Variants in MAF observed in about 807,000 individuals in gnomAD.
The protein encoded by MAF is MAF bZIP transcription factor.
In MAF, 10 loss-of-function variants were observed where a neutral mutation model predicts 22.0. That is an observed-to-expected ratio of 0.45 (90% CI 0.28 to 0.77). MAF has a LOEUF of 0.77. Ranked by LOEUF, MAF falls within the 30% of genes least tolerant of loss-of-function variation. MAF has a pLI of 0.12. For missense variants in MAF, 544 were observed against 548.4 expected, an observed-to-expected ratio of 0.99 and a Z score of 0.08; for synonymous variants, 337 against 255.8, an observed-to-expected ratio of 1.32 and a Z score of -3.03.
At chr16:79,279,568 A>G in the MAF span, among the ~76,000 whole-genome samples, 1 of 152,114 alleles carries the variant, frequency 6.6e-6, no homozygotes, top group Non-Finnish European at 1.5e-5. Flanking sequence ...CTGCAGGATG[A>G]CGAAGCTGGA....
At chr16:79,378,314 G>GCATAGATGAAGTTCAAAAGCAAAATAT in the MAF span, among the ~76,000 whole-genome samples, 3 of 152,124 alleles carry the variant, frequency 2.0e-5, no homozygotes, top group Non-Finnish European at 4.4e-5. Context: ...CTATGCAACA[G>GCATAGATGAAGTTCAAAAGCAAAATAT]CATAGATGAA....
At chr16:79,597,443 A>G in intron 1 of MAF, 1 of 1,029,302 alleles carries the variant, frequency 9.7e-7, no homozygotes, top group Non-Finnish European at 1.2e-6. Flanking sequence ...CTTCTCGGCA[A>G]TAGCACAATT....
At chr16:79,415,148 A>T in the MAF span, among the ~76,000 whole-genome samples, 1 of 152,094 alleles carries the variant, frequency 6.6e-6, no homozygotes, top group Non-Finnish European at 1.5e-5. Flanking sequence ...TCAACCACGG[A>T]TGAGCTCACC....
At chr16:79,473,601 C>T in the MAF span, among the ~76,000 whole-genome samples, 1,130 of 152,268 alleles carry the variant, frequency 7.4e-3, 23 homozygotes, top group South Asian at 0.064. Context: ...GCATGCAGAC[C>T]TCAGCCTCTC....
the MAF span, among the ~76,000 whole-genome samples, chr16:79,491,461 C>A: frequency 2.0e-5 from 3 of 152,150 alleles, no homozygotes; most frequent in East Asian, 5.8e-4. Context: ...GAGCCAGCTT[C>A]GCAGTCTCGA....
At chr16:79,225,011 A>C in the MAF span, among the ~76,000 whole-genome samples, 2 of 152,192 alleles carry the variant, frequency 1.3e-5, no homozygotes, top group Admixed American at 1.3e-4. Flanking sequence ...AGAAAAAACT[A>C]CCTTAAATTT....
chr16:79,509,967 G>A, the MAF span, among the ~76,000 whole-genome samples: 2 of 152,186 alleles, frequency 1.3e-5, no homozygotes, highest in South Asian at 2.1e-4. Flanking sequence ...ATAGCGGAGG[G>A]TATCCTGAGT....
the MAF span, among the ~76,000 whole-genome samples, chr16:79,489,523 G>C: frequency 2.6e-5 from 4 of 152,216 alleles, no homozygotes; most frequent in African/African-American, 9.6e-5. Context: ...CAACAGTAGA[G>C]GGAGGAACTT....
the MAF span, among the ~76,000 whole-genome samples, chr16:79,399,968 A>G: frequency 6.6e-6 from 1 of 152,182 alleles, no homozygotes; most frequent in Non-Finnish European, 1.5e-5. Flanking sequence ...CCTGGCAAAG[A>G]CATCATAACC....
chr16:79,544,402 G>A, the MAF span, among the ~76,000 whole-genome samples: 15 of 152,164 alleles, frequency 9.9e-5, no homozygotes, highest in Non-Finnish European at 1.5e-4. Context: ...CAGCACTGAT[G>A]TAGAGATGGA....
chr16:79,233,637 G>A, the MAF span, among the ~76,000 whole-genome samples: 14,351 of 152,022 alleles, frequency 0.094, 868 homozygotes, highest in Middle Eastern at 0.21. Flanking sequence ...ATGGGATACC[G>A]TTAAAACTTC....
the MAF span, among the ~76,000 whole-genome samples, chr16:79,538,214 C>T: frequency 1.4e-4 from 21 of 152,094 alleles, no homozygotes; most frequent in African/African-American, 5.1e-4. Flanking sequence ...TTTTAAGAAT[C>T]AACAAATAAA....
At chr16:79,267,786 G>A in the MAF span, among the ~76,000 whole-genome samples, 1 of 152,174 alleles carries the variant, frequency 6.6e-6, no homozygotes, top group African/African-American at 2.4e-5. Flanking sequence ...GTGCCCAGTA[G>A]ATGTTTATGA....
the MAF span, among the ~76,000 whole-genome samples, chr16:79,575,602 G>A: frequency 6.6e-6 from 1 of 152,132 alleles, no homozygotes; most frequent in Non-Finnish European, 1.5e-5. Context: ...GGTGATGGTG[G>A]GAATAATTTG....
chr16:79,294,766 C>A, the MAF span, among the ~76,000 whole-genome samples: 1 of 152,148 alleles, frequency 6.6e-6, no homozygotes. Context: ...GCACTGGTTG[C>A]ACAGGGCCAA....
the MAF span, among the ~76,000 whole-genome samples, chr16:79,321,321 G>T: frequency 1.3e-5 from 2 of 152,230 alleles, no homozygotes; most frequent in African/African-American, 4.8e-5. Context: ...CCTCAAGGTA[G>T]GGGAACCGCA....
At chr16:79,559,298 A>G in the MAF span, among the ~76,000 whole-genome samples, 1 of 152,188 alleles carries the variant, frequency 6.6e-6, no homozygotes, top group East Asian at 1.9e-4. Context: ...TACCACTTGA[A>G]TCAGCCCGAT....
rs1913376460 is a variant in MAF, at chr16:79,594,390, G to A, written c.*70C>T. The A allele has an allele frequency of 9.7e-6, 13 of 1,337,734 alleles. No individual in the cohort carries two copies. Among genetic ancestry groups the A allele is most frequent in the East Asian group, 2.5e-5 (1 of 39,872 alleles). The allele number at this position is 1,337,734 out of a possible 1,614,324, so 82.9% of individuals were successfully genotyped here. ...GAGACTAAACAGAAGTCAGGGGTAG[G>A]TGGTTCTCCATGACTGCAAATAATA... On this transcript the variant is annotated 3_prime_UTR_variant, in exon 2 of 2. Coordinates refer to ENST00000326043, the MANE Select transcript of MAF (RefSeq NM_005360.5).
the MAF span, among the ~76,000 whole-genome samples, chr16:79,238,398 C>A: frequency 6.6e-6 from 1 of 152,086 alleles, no homozygotes; most frequent in East Asian, 1.9e-4. Flanking sequence ...GTAGAGCATA[C>A]GTCTTTTTTA....
Sources: allele counts gnomAD v4.1 joint callset (sites outside exome capture counted in the v4.1 genomes callset), GRCh38; gene constraint gnomAD v4.1.1; transcripts MANE v1.5; gene names NCBI Gene and HGNC (gene_info 2026-07-23, HGNC 2026-07-21).